Variants in HSPA4L observed in about 807,000 individuals in gnomAD.
HSPA4L encodes heat shock 70 kDa protein 4L.
A neutral mutation model predicts 100.3 loss-of-function variants in HSPA4L; 48 were observed. The observed-to-expected ratio is 0.48, with a 90% confidence interval of 0.38 to 0.61. The LOEUF (loss-of-function observed/expected upper bound fraction) is 0.61, where lower values mean the gene tolerates loss of function less well. Ranked by LOEUF, HSPA4L falls within the 20% of genes least tolerant of loss-of-function variation. The pLI is 0.00. For missense variants in HSPA4L, 886 were observed against 988.6 expected, an observed-to-expected ratio of 0.90 and a Z score of 1.39; for synonymous variants, 319 against 328.2, an observed-to-expected ratio of 0.97 and a Z score of 0.30.
intron 12 of HSPA4L, among the ~76,000 whole-genome samples, chr4:127,816,358 C>T (rs1334526331): frequency 1.3e-5 from 2 of 152,084 alleles, no homozygotes; most frequent in East Asian, 3.9e-4. Context: ...CATTTCATAT[C>T]CATTTTAAGA....
intron 12 of HSPA4L, 77 bp downstream of exon 12, chr4:127,811,713 A>C (rs1251050899): frequency 2.0e-6 from 2 of 1,021,154 alleles, no homozygotes; most frequent in African/African-American, 3.2e-5. Flanking sequence ...TGGGACTTTA[A>C]TAGTTGAATA....
rs1391699180 is a variant in HSPA4L at position 127,838,570 on chromosome 4, G to A, written c.*5696G>A. The A allele has an allele frequency of 6.6e-6, 1 of 152,150 alleles. No homozygotes were observed. Among genetic ancestry groups the A allele is most frequent in the Non-Finnish European group, 1.5e-5 (1 of 68,028 alleles). 9.4% of individuals were successfully genotyped at this position (152,150 alleles called of 1,614,324 possible). On this transcript the variant is annotated 3_prime_UTR_variant, in exon 19 of 19. Coordinates refer to ENST00000296464, the MANE Select transcript of HSPA4L (RefSeq NM_014278.4). The stretch of plus-strand genomic sequence containing the variant: ...ACGGTCATGCCCTAAGTCACAGGAT[G>A]ATTATTAGGGAAATGTCATTGACAC...
intron 12 of HSPA4L, chr4:127,813,314 A>G (rs1733590792): frequency 3.1e-6 from 2 of 652,060 alleles, no homozygotes; most frequent in Non-Finnish European, 5.4e-6. Flanking sequence ...ATTAATAATT[A>G]CTATGCATCT....
chr4:127,819,991 A>AT (rs1378803017), intron 13 of HSPA4L, among the ~76,000 whole-genome samples: 2 of 152,078 alleles, frequency 1.3e-5, no homozygotes, highest in Admixed American at 6.6e-5. Context: ...TAGGAATGGA[A>AT]TTGCTGGGTC....
intron 1 of HSPA4L, among the ~76,000 whole-genome samples, chr4:127,783,947 G>A (rs1219654489): frequency 6.6e-6 from 1 of 152,172 alleles, no homozygotes; most frequent in Admixed American, 6.5e-5. Context: ...CGTTTTGGAC[G>A]TTTATATTTT....
intron 8 of HSPA4L, among the ~76,000 whole-genome samples, chr4:127,804,480 C>T (rs1733291250): frequency 6.6e-6 from 1 of 152,070 alleles, no homozygotes; most frequent in Non-Finnish European, 1.5e-5. Flanking sequence ...ATGGTGCGCA[C>T]CTGTAACCCC....
chr4:127,795,921 T>G lies in HSPA4L; in HGVS notation c.306+13T>G, dbSNP rs1432469871. ...TGCAGGAGTTAAGGTAAGCTTTATA[T>G]TCCCAGGGTTACAAACATATCTTCA... On this transcript the variant is annotated intron_variant, in intron 3 of 18. Coordinates refer to ENST00000296464, the MANE Select transcript of HSPA4L (RefSeq NM_014278.4). The G allele has an allele frequency of 1.1e-5, 17 of 1,611,096 alleles. No homozygotes were observed. Among genetic ancestry groups the G allele is most frequent in the Non-Finnish European group, 1.4e-5 (17 of 1,178,528 alleles).
intron 16 of HSPA4L, among the ~76,000 whole-genome samples, chr4:127,826,305 G>A (rs1183105620): frequency 1.3e-5 from 2 of 152,074 alleles, no homozygotes; most frequent in East Asian, 3.9e-4. Flanking sequence ...GGGAGGCTGA[G>A]GCAGAAGGAT....
intron 12 of HSPA4L, chr4:127,813,167 G>C (rs534336161): frequency 8.4e-6 from 12 of 1,436,584 alleles, no homozygotes; most frequent in Non-Finnish European, 1.1e-5. Context: ...AACATATATC[G>C]GGTGCCTCTC....
rs1211408937 is a variant in HSPA4L at position 127,804,930 on chromosome 4, T to G, written c.986-143T>G. The G allele has an allele frequency of 1.9e-5, 11 of 564,456 alleles. No individual in the cohort carries two copies. In the East Asian group the frequency reaches 3.3e-4, roughly 17 times the overall value. The allele number at this position is 564,456 out of a possible 1,614,324, so 35.0% of individuals were successfully genotyped here. On this transcript the variant is annotated intron_variant, in intron 8 of 18. Coordinates refer to ENST00000296464, the MANE Select transcript of HSPA4L (RefSeq NM_014278.4). ...CATAAATAATATTTATTAAATGTTA[T>G]ATCTTTCTAAAAATTGTATTTTTCT...
intron 12 of HSPA4L, among the ~76,000 whole-genome samples, chr4:127,816,363 T>C (rs563597721): frequency 1.1e-4 from 16 of 152,334 alleles, no homozygotes; most frequent in African/African-American, 3.6e-4. Flanking sequence ...CATATCCATT[T>C]TAAGATGTGT....
rs183265123 is a variant in HSPA4L, at chr4:127,815,596, A to G, written c.1579-2729A>G. 2.2e-4 allele frequency among the ~76,000 whole-genome samples: 34 copies of G among 152,078 alleles called. No homozygotes were observed. In the East Asian group the frequency reaches 2.9e-3, roughly 13 times the overall value. On this transcript the variant is annotated intron_variant, in intron 12 of 18. Transcript: ENST00000296464. ...CTAATGTACCACAGTTTATTTCCCA[A>G]TTGTTGACCATTTGGGTTCTTTATC...
chr4:127,822,788 A>G lies in HSPA4L; in HGVS notation c.1832A>G (p.Asp611Gly), dbSNP rs1199438246. The G allele has an allele frequency of 2.5e-6, 4 of 1,613,674 alleles. No homozygotes were observed. Among genetic ancestry groups the G allele is most frequent in the Non-Finnish European group, 2.5e-6 (3 of 1,179,844 alleles). The change falls in exon 15 of 19, where the codon GAT becomes GGT. Residue 611 changes from aspartate to glycine, a missense_variant. Asp to Gly is a moderately conservative substitution (Grantham distance 94). Coordinates refer to ENST00000296464, the MANE Select transcript of HSPA4L (RefSeq NM_014278.4). The part of the protein sequence containing the change: ...IENEGKMIMQ[D>G]KLEKERNDAK... ...GAATAGGGGAAGATGATCATGCAAGATAAGTTAGAGAAAGAAAGAAATGAT... is the reference window on the plus strand; with the variant it reads ...GAATAGGGGAAGATGATCATGCAAGGTAAGTTAGAGAAAGAAAGAAATGAT...
intron 16 of HSPA4L, among the ~76,000 whole-genome samples, chr4:127,825,243 G>A (rs1479397335): frequency 6.6e-6 from 1 of 152,132 alleles, no homozygotes; most frequent in East Asian, 1.9e-4. Flanking sequence ...TGAATTACCT[G>A]GGTGCTTATT....
chr4:127,808,901 C>T (rs531821468), intron 11 of HSPA4L, among the ~76,000 whole-genome samples: 5 of 152,048 alleles, frequency 3.3e-5, no homozygotes, highest in East Asian at 3.9e-4. Context: ...CCAGCCTAGG[C>T]GACACAGTGA....
chr4:127,782,209 A>C (rs1732571966), upstream of HSPA4L: 1 of 398,904 alleles, frequency 2.5e-6, no homozygotes, highest in African/African-American at 2.1e-5. Context: ...GAAGCGGCCG[A>C]AGTCCGGGCC....
At chr4:127,817,277 G>T (rs1733692137) in intron 12 of HSPA4L, among the ~76,000 whole-genome samples, 1 of 151,998 alleles carries the variant, frequency 6.6e-6, no homozygotes, top group Non-Finnish European at 1.5e-5. Context: ...TGTTGGTCAG[G>T]CTGGTCTTGA....
chr4:127,830,700 T>C lies in HSPA4L; in HGVS notation c.2229T>C (p.Asp743=), dbSNP rs766750814. The part of the protein sequence containing the change: ...EMEKVEKCIS[D]AMSWLNSKMN... ...AAAAGGTTGAAAAATGTATCAGTGA[T>C]GCCATGAGTTGGCTGAATAGTAAGA... Residue 743 remains aspartate, a synonymous_variant, in exon 18 of 19, where the codon GAT becomes GAC. Coordinates refer to ENST00000296464, the MANE Select transcript of HSPA4L (RefSeq NM_014278.4). 9 of 1,610,584 alleles carry C rather than the reference T, an allele frequency of 5.6e-6. No individual in the cohort carries two copies. The South Asian group carries it at 7.7e-5, about 14-fold the overall frequency.
rs2148786887 is a variant in HSPA4L at position 127,805,192 on chromosome 4, G to T, written c.1105G>T (p.Asp369Tyr). 1 of 1,609,936 alleles carries T rather than the reference G, an allele frequency of 6.2e-7. No individual in the cohort carries two copies. Among genetic ancestry groups the T allele is most frequent in the Non-Finnish European group, 8.5e-7 (1 of 1,178,304 alleles). The change falls in exon 9 of 19, where the codon GAT becomes TAT. Residue 369 changes from aspartate (D) to tyrosine (Y), a missense_variant. Asp to Tyr is a radical substitution (Grantham distance 160). Transcript: ENST00000296464. ...LKDISTTLNA[D>Y]EAVARGCALQ... ...AGACATAAGTACCACATTAAATGCT[G>T]ATGAAGCTGTTGCAAGAGGATGTGC...
Sources: allele counts gnomAD v4.1 joint callset (sites outside exome capture counted in the v4.1 genomes callset), GRCh38; gene constraint gnomAD v4.1.1; transcripts MANE v1.5; gene names NCBI Gene and HGNC (gene_info 2026-07-23, HGNC 2026-07-21).